Variants in HADH observed in about 807,000 individuals in gnomAD.
The protein encoded by HADH is hydroxyacyl-coenzyme A dehydrogenase, mitochondrial.
A neutral mutation model predicts 32.2 loss-of-function variants in HADH; 24 were observed. The observed-to-expected ratio is 0.75, with a 90% CI of 0.54 to 1.05. HADH has a LOEUF of 1.05. Ranked by LOEUF, HADH falls within the 50% of genes least tolerant of loss-of-function variation. The probability of loss-of-function intolerance (pLI) is 0.00; values close to 1 mark genes in which losing one functional copy is unlikely to be tolerated. For missense variants in HADH, 350 were observed against 397.1 expected (o/e 0.88, Z 1.01); for synonymous variants, 139 against 152.5 (o/e 0.91, Z 0.65).
chr4:108,033,144 G>A (rs1311769776), intron 6 of HADH, 32 bp from the exon 7 acceptor site: 4 of 991,116 alleles, frequency 4.0e-6, no homozygotes, highest in Non-Finnish European at 6.6e-6. Flanking sequence ...AGGAAAGGTG[G>A]TGGTGACCCA....
chr4:108,009,460 T>G (rs1735403416), intron 1 of HADH, among the ~76,000 whole-genome samples: 1 of 152,236 alleles, frequency 6.6e-6, no homozygotes, highest in South Asian at 2.1e-4. Flanking sequence ...CCTTCAGGGC[T>G]TTGATTCAGA....
intron 6 of HADH, chr4:108,032,172 A>G (rs1736289416): frequency 1.9e-6 from 1 of 515,240 alleles, no homozygotes; most frequent in Non-Finnish European, 3.6e-6. Context: ...GCTTTGGAAC[A>G]AAATTCTAGA....
At chr4:108,006,696 C>T (rs544485474) in intron 1 of HADH, among the ~76,000 whole-genome samples, 8 of 152,320 alleles carry the variant, frequency 5.3e-5, no homozygotes, top group Non-Finnish European at 5.9e-5. Flanking sequence ...ATGACCCACA[C>T]TTTGAGAACC....
intron 1 of HADH, among the ~76,000 whole-genome samples, chr4:108,007,005 A>G (rs949399385): frequency 1.3e-5 from 2 of 152,216 alleles, no homozygotes; most frequent in Non-Finnish European, 2.9e-5. Context: ...TGGAAAACGC[A>G]GATTATGAAC....
In HADH at chr4:108,027,780, C is replaced by G; in HGVS notation, c.709+20C>G. ...AACGAGGTATCCTTCTGACCCAGGC[C>G]AGGAGCAGCAGACCTCAGCTCCTGG... On this transcript the variant is annotated intron_variant, in intron 6 of 7. Transcript: ENST00000309522. The G allele has an allele frequency of 6.9e-7, 1 of 1,446,198 alleles. No individual in the cohort carries two copies. The highest frequency in any genetic ancestry group is 1.1e-5 in the South Asian group (1 of 87,808). 89.6% of individuals were successfully genotyped at this position (1,446,198 alleles called of 1,614,324 possible).
rs77342405 is a variant in HADH at position 108,002,967 on chromosome 4, C to A, written c.133-6792C>A. 5.0e-3 allele frequency among the ~76,000 whole-genome samples: 765 copies of A among 152,314 alleles called. 7 individuals carry two copies. Among genetic ancestry groups the A allele is most frequent in the African/African-American group, 0.018 (731 of 41,570 alleles). On this transcript the variant is annotated intron_variant, in intron 1 of 7. Transcript: ENST00000309522. The stretch of plus-strand genomic sequence containing the variant: ...CTAAGCATGTTAAACACATTAACTT[C>A]TTTAATCCTCACAACAGTTTTATGA...
rs373541925 is a variant in HADH, at chr4:107,991,166, TAAA to T, written c.132+1105_132+1107del. 3.1e-3 allele frequency among the ~76,000 whole-genome samples: 456 copies of T among 148,026 alleles called. 5 individuals are homozygous for T. The highest frequency in any genetic ancestry group is 0.01 in the African/African-American group (413 of 39,420). On this transcript the variant is annotated intron_variant, in intron 1 of 7. Coordinates refer to ENST00000309522, the MANE Select transcript of HADH (RefSeq NM_005327.7). ...CTGTAATGCTTGTACTTTTTTTTTT[TAAA>T]AATTATTCCATTTCAGCTCACATTG...
At chr4:108,030,444 G>A (rs549592448) in intron 6 of HADH, 1 of 152,492 alleles carries the variant, frequency 6.6e-6, no homozygotes, top group South Asian at 2.1e-4. Flanking sequence ...GCTGTGTAGG[G>A]CGGGCACATA....
At chr4:108,008,424 A>G (rs1301504552) in intron 1 of HADH, among the ~76,000 whole-genome samples, 2 of 152,182 alleles carry the variant, frequency 1.3e-5, no homozygotes, top group Non-Finnish European at 1.5e-5. Flanking sequence ...GTGCAGTTGA[A>G]ATAACCTTGC....
intron 4 of HADH, among the ~76,000 whole-genome samples, chr4:108,022,077 G>A (rs1017803247): frequency 6.6e-6 from 1 of 151,974 alleles, no homozygotes; most frequent in Non-Finnish European, 1.5e-5. Flanking sequence ...GAGAGGTGAG[G>A]CAGTTGCCTA....
intron 1 of HADH, among the ~76,000 whole-genome samples, chr4:108,008,674 C>T (rs962471721): frequency 3.9e-5 from 6 of 152,176 alleles, no homozygotes; most frequent in African/African-American, 1.4e-4. Flanking sequence ...TTGCCCCTCT[C>T]CTGCACACTG....
Position 108,014,315 on chromosome 4 carries a change from T to C in HADH, c.262-116T>C, listed in dbSNP as rs147978202. The C allele has an allele frequency of 1.7e-4, 175 of 1,047,420 alleles. No homozygotes were observed. In the African/African-American group the frequency reaches 2.4e-3, roughly 15 times the overall value. The allele number at this position is 1,047,420 out of a possible 1,614,324, so 64.9% of individuals were successfully genotyped here. A position where few individuals can be genotyped will look rare whatever the true frequency, so the allele number is the denominator to read the frequency against. Reference sequence around the variant, plus strand: ...GTGGACACTTTGAGAACAGATAGGGTAGGCCAATACAGGTGCTCTGAACAC... The same window carrying C: ...GTGGACACTTTGAGAACAGATAGGGCAGGCCAATACAGGTGCTCTGAACAC... On this transcript the variant is annotated intron_variant, in intron 2 of 7. Coordinates refer to ENST00000309522, the MANE Select transcript of HADH (RefSeq NM_005327.7).
In HADH at chr4:108,006,589, C is replaced by T. The variant is rs1377409914; in HGVS notation, c.133-3170C>T. On this transcript the variant is annotated intron_variant, in intron 1 of 7. Coordinates refer to ENST00000309522, the MANE Select transcript of HADH (RefSeq NM_005327.7). ...TTGGAAGGCTTGCTAAACCACAGCT[C>T]ACTGAGCCCTACCCAGAGTTTGATT... is the stretch of plus-strand genomic sequence containing the variant. Among the ~76,000 whole-genome samples, 5 of 152,176 alleles carry T rather than the reference C, an allele frequency of 3.3e-5. No homozygotes were observed. The East Asian group carries it at 9.6e-4, about 29-fold the overall frequency.
intron 4 of HADH, among the ~76,000 whole-genome samples, chr4:108,022,040 C>G (rs1735901138): frequency 6.6e-6 from 1 of 152,192 alleles, no homozygotes; most frequent in African/African-American, 2.4e-5. Context: ...ACAGGGAAGA[C>G]ATGCCCATGA....
chr4:107,990,614 CT>C (rs1404206023), intron 1 of HADH, among the ~76,000 whole-genome samples: 2 of 152,156 alleles, frequency 1.3e-5, no homozygotes, highest in African/African-American at 4.8e-5. Context: ...GTAGTCATGA[CT>C]TTTGTAGCAC....
At chr4:108,002,256 T>G (rs1032707468) in intron 1 of HADH, among the ~76,000 whole-genome samples, 1 of 152,210 alleles carries the variant, frequency 6.6e-6, no homozygotes, top group Admixed American at 6.5e-5. Context: ...TATTTACAGC[T>G]GCTCCCCATC....
intron 3 of HADH, among the ~76,000 whole-genome samples, chr4:108,016,104 C>T (rs1201230623): frequency 6.6e-6 from 1 of 152,134 alleles, no homozygotes; most frequent in African/African-American, 2.4e-5. Context: ...TGGCTGGCTT[C>T]CTGGTGGAAT....
At chr4:108,014,371 C>T in intron 2 of HADH, 60 bp from the exon 3 acceptor site, 2 of 1,600,248 alleles carry the variant, frequency 1.2e-6, no homozygotes, top group East Asian at 4.5e-5. Context: ...GAGCTAAGAA[C>T]TTGAAAGATA....
intron 3 of HADH, among the ~76,000 whole-genome samples, chr4:108,016,305 T>A (rs3796991): frequency 0.87 from 131,912 of 152,178 alleles, 58,049 homozygotes; most frequent in East Asian, 0.97. Flanking sequence ...CTAAAGAGAG[T>A]CACTTGCATA....
Sources: gnomAD v4.1 joint callset for allele counts (sites outside exome capture counted in the v4.1 genomes callset) on GRCh38, gnomAD v4.1.1 for gene constraint, MANE v1.5 for transcripts, NCBI Gene and HGNC (gene_info 2026-07-23, HGNC 2026-07-21) for gene names.